The following ZFP69B variants were observed in gnomAD, a reference collection of about 807,000 sequenced individuals.
ZFP69B encodes the protein zinc finger protein 69 homolog B.
ZFP69B carries 20 observed loss-of-function variants against 19.7 expected under a neutral mutation model. That is an observed-to-expected ratio of 1.02 (90% CI 0.71 to 1.48). The LOEUF is 1.48. ZFP69B is among the 40% of genes most tolerant of loss of function. The pLI is 0.00. For synonymous variants in ZFP69B, 220 were observed against 222.7 expected (o/e 0.99, Z 0.11); for missense variants, 583 against 632.6 (o/e 0.92, Z 0.84).
At chr1:40,453,553 G>T (rs974935879) in intron 1 of ZFP69B, among the ~76,000 whole-genome samples, 1 of 152,160 alleles carries the variant, frequency 6.6e-6, no homozygotes, top group African/African-American at 2.4e-5. Flanking sequence ...GAAGGGTATC[G>T]CAGTTTTTCA....
In ZFP69B at chr1:40,456,927, A is replaced by T. The variant is rs17531028; in HGVS notation, c.214-18A>T. 0.025 allele frequency: 39,509 copies of T among 1,606,648 alleles called. 513 individuals are homozygous for T. The highest frequency in any genetic ancestry group is 0.045 in the African/African-American group (3,344 of 74,842). ...CTTCCCAAAGTCTGGCTGAAAAGGA[A>T]CGTATTTGATGTTCTAGGAACTGTT... On this transcript the variant is annotated intron_variant, in intron 2 of 4. Coordinates refer to ENST00000361584, the MANE Select transcript of ZFP69B (RefSeq NM_023070.3).
chr1:40,454,200 C>G lies in ZFP69B; in HGVS notation c.128-3C>G. On this transcript the variant is annotated splice_polypyrimidine_tract_variant and splice_region_variant and intron_variant, in intron 1 of 4. Coordinates refer to ENST00000361584, the MANE Select transcript of ZFP69B (RefSeq NM_023070.3). ...AAACCTCATGGCTCTTTTCCTTCCC[C>G]AGCTCTGCTGTCTCAGGATGCTGAT... 6.3e-7 allele frequency: 1 copy of G among 1,592,834 alleles called. No individual in the cohort carries two copies.
At position 40,462,669 on chromosome 1, in the gene ZFP69B, G is replaced by C; in HGVS notation, c.685G>C (p.Glu229Gln). 1 of 1,614,086 alleles carries C rather than the reference G, an allele frequency of 6.2e-7. No individual in the cohort carries two copies. Among genetic ancestry groups the C allele is most frequent in the South Asian group, 1.1e-5 (1 of 91,060 alleles). Residue 229 changes from glutamate (E) to glutamine (Q), a missense_variant, in exon 5 of 5, where the codon GAG becomes CAG. By Grantham distance (29) the Glu-to-Gln change is conservative. Coordinates refer to ENST00000361584, the MANE Select transcript of ZFP69B (RefSeq NM_023070.3). ...GAGAGGCCAAGAGTCTAATAGATTT[G>C]AGAAAAGAATTAATGTGAAGTCAGA... The part of the protein sequence containing the change: ...QERGQESNRF[E>Q]KRINVKSEVM...
chr1:40,463,139 T>G lies in ZFP69B; in HGVS notation c.1155T>G (p.His385Gln). 6.2e-7 allele frequency: 1 copy of G among 1,614,190 alleles called. No individual in the cohort carries two copies. The highest frequency in any genetic ancestry group is 8.5e-7 in the Non-Finnish European group (1 of 1,180,020). Reference protein sequence around the residue: ...SIGLIQHLRTHVREKPFTCKD... With the variant: ...SIGLIQHLRTQVREKPFTCKD... ...GACTGATCCAGCATTTGAGAACTCA[T>G]GTTAGAGAGAAACCTTTTACATGCA... is the stretch of plus-strand genomic sequence containing the variant. The change falls in exon 5 of 5, where the codon CAT becomes CAG. Residue 385 changes from histidine (H) to glutamine (Q), a missense_variant. Transcript: ENST00000361584.
intron 1 of ZFP69B, among the ~76,000 whole-genome samples, chr1:40,451,685 A>T (rs1220172837): frequency 6.6e-6 from 1 of 150,472 alleles, no homozygotes; most frequent in Non-Finnish European, 1.5e-5. Flanking sequence ...CAAACATTGG[A>T]GGTAATTAAT....
In ZFP69B at chr1:40,457,071, G is replaced by A; in HGVS notation, c.340G>A (p.Gly114Arg). The A allele has an allele frequency of 6.3e-7, 1 of 1,596,350 alleles. No homozygotes were observed. Among genetic ancestry groups the A allele is most frequent in the Non-Finnish European group, 8.5e-7 (1 of 1,173,812 alleles). ...LENYGNLVSV[G>R]CQLSKPGVIS... The stretch of plus-strand genomic sequence containing the variant: ...GAACTATGGGAACCTGGTCTCAGTG[G>A]GTAAGGATGGGCTCCTCTTGAAAAT... Residue 114 changes from glycine to arginine, a missense_variant and splice_region_variant, in exon 3 of 5, where the codon GGA becomes AGA. Coordinates refer to ENST00000361584, the MANE Select transcript of ZFP69B (RefSeq NM_023070.3).
At position 40,450,610 on chromosome 1, in the gene ZFP69B, A is replaced by C. The variant is rs1645176045; in HGVS notation, c.-352A>C. ...ATATGTTCTAGCGTTCTGCCCTATG[A>C]CTGAGCCTCCTTAGTCCTTTGCTGA... On this transcript the variant is annotated 5_prime_UTR_variant, in exon 1 of 5. Coordinates refer to ENST00000361584, the MANE Select transcript of ZFP69B (RefSeq NM_023070.3). The C allele has an allele frequency of 6.1e-6, 1 of 163,226 alleles. No homozygotes were observed. The highest frequency in any genetic ancestry group is 6.4e-5 in the Admixed American group (1 of 15,698). 10.1% of individuals were successfully genotyped at this position (163,226 alleles called of 1,614,324 possible). A position where few individuals can be genotyped will look rare whatever the true frequency, so the allele number is the denominator to read the frequency against.
intron 1 of ZFP69B, 65 bp downstream of exon 1, chr1:40,451,153 T>G (rs1191960073): frequency 1.4e-6 from 2 of 1,424,378 alleles, no homozygotes; most frequent in African/African-American, 1.5e-5. Context: ...AAGGAATGAG[T>G]CACTTGAGTG....
intron 1 of ZFP69B, among the ~76,000 whole-genome samples, chr1:40,452,555 AG>A (rs1350594739): frequency 1.3e-5 from 2 of 152,234 alleles, no homozygotes; most frequent in African/African-American, 4.8e-5. Flanking sequence ...TCATGAAGAA[AG>A]GGGAAGTACT....
chr1:40,454,388 C>CTT, intron 2 of ZFP69B, 100 bp downstream of exon 2: 3 of 778,486 alleles, frequency 3.9e-6, no homozygotes, highest in Non-Finnish European at 3.7e-6. Context: ...ATTGGCTTTT[C>CTT]TTTTTTTTTC....
At position 40,457,005 on chromosome 1, in the gene ZFP69B, G is replaced by C; in HGVS notation, c.274G>C (p.Ala92Pro). 6.2e-7 allele frequency: 1 copy of C among 1,613,936 alleles called. No homozygotes were observed. The highest frequency in any genetic ancestry group is 8.5e-7 in the Non-Finnish European group (1 of 1,179,912). The change falls in exon 3 of 5, where the codon GCC (alanine) becomes CCC (proline). Residue 92 changes from alanine (A) to proline (P), a missense_variant. Physicochemically the swap from Ala to Pro is conservative, Grantham distance 27. Coordinates refer to ENST00000361584, the MANE Select transcript of ZFP69B (RefSeq NM_023070.3). ...DFTQEEWGQL[A>P]PAHRNLYREV... ...CACTCAGGAGGAGTGGGGGCAGCTG[G>C]CCCCTGCTCACCGGAATCTGTACCG...
chr1:40,454,106 T>G, intron 1 of ZFP69B, 97 bp from the exon 2 acceptor site: 2 of 876,200 alleles, frequency 2.3e-6, no homozygotes, highest in Non-Finnish European at 1.6e-6. Flanking sequence ...TTTGTGAACG[T>G]TTTTGGGGAG....
Position 40,463,535 on chromosome 1 carries a change from C to T in ZFP69B, c.1551C>T (p.Ser517=), listed in dbSNP as rs776401981. The change falls in exon 5 of 5, where the codon TCC becomes TCT. Residue 517 remains serine (S), a synonymous_variant. Coordinates refer to ENST00000361584, the MANE Select transcript of ZFP69B (RefSeq NM_023070.3). The part of the protein sequence containing the change: ...ECGKAFSCSS[S]LIRHCKTHLR... The stretch of plus-strand genomic sequence containing the variant: ...GAAAAGCCTTCAGCTGTAGTTCATC[C>T]CTTATTAGACACTGCAAAACACATT... The T allele has an allele frequency of 1.9e-6, 3 of 1,613,648 alleles. No individual in the cohort carries two copies. The highest frequency in any genetic ancestry group is 1.3e-5 in the African/African-American group (1 of 74,872).
rs920897956 is a variant in ZFP69B at position 40,463,638 on chromosome 1, C to T, written c.*49C>T. 2 of 1,474,832 alleles carry T rather than the reference C, an allele frequency of 1.4e-6. No homozygotes were observed. The highest frequency in any genetic ancestry group is 4.5e-5 in the Admixed American group (2 of 44,860). The allele number at this position is 1,474,832 out of a possible 1,614,324, so 91.4% of individuals were successfully genotyped here. A position where few individuals can be genotyped will look rare whatever the true frequency, so the allele number is the denominator to read the frequency against. On this transcript the variant is annotated 3_prime_UTR_variant, in exon 5 of 5. Transcript: ENST00000361584. The stretch of plus-strand genomic sequence containing the variant: ...TATGTTGGAGCACAAGATTCTAAAT[C>T]AGTGGTTCCCTGATCCCTCAAAAAT...
intron 4 of ZFP69B, among the ~76,000 whole-genome samples, chr1:40,458,170 T>C (rs1252439044): frequency 1.3e-5 from 2 of 152,236 alleles, no homozygotes; most frequent in Non-Finnish European, 2.9e-5. Flanking sequence ...CTTGGTGGAC[T>C]CAATATCTTA....
At position 40,450,955 on chromosome 1, in the gene ZFP69B, C is replaced by G; in HGVS notation, c.-7C>G. 6.5e-7 allele frequency: 1 copy of G among 1,542,364 alleles called. No homozygotes were observed. Among genetic ancestry groups the G allele is most frequent in the African/African-American group, 1.4e-5 (1 of 72,370 alleles). On this transcript the variant is annotated 5_prime_UTR_variant, in exon 1 of 5. Transcript: ENST00000361584. ...GAGGGTCCTCAGAAAGGAGTGCGGA[C>G]GCCGTCATGCTGCAGCAGCTCCTGA...
chr1:40,450,893 C>G lies in ZFP69B; in HGVS notation c.-69C>G, dbSNP rs954738214. The stretch of plus-strand genomic sequence containing the variant: ...CTCCTGTCAGAGCTTCCAGCAATTT[C>G]CTCATCAGAGGTGGACAAGCCCTAT... On this transcript the variant is annotated 5_prime_UTR_variant, in exon 1 of 5. Coordinates refer to ENST00000361584, the MANE Select transcript of ZFP69B (RefSeq NM_023070.3). The G allele has an allele frequency of 1.4e-6, 2 of 1,407,832 alleles. No individual in the cohort carries two copies. The highest frequency in any genetic ancestry group is 5.9e-5 in the Admixed American group (2 of 33,854). The allele number at this position is 1,407,832 out of a possible 1,614,324, so 87.2% of individuals were successfully genotyped here.
Position 40,463,127 on chromosome 1 carries a change from T to C in ZFP69B, c.1143T>C (p.His381=). The C allele has an allele frequency of 6.2e-7, 1 of 1,614,162 alleles. No individual in the cohort carries two copies. The highest frequency in any genetic ancestry group is 2.2e-5 in the East Asian group (1 of 44,864). The part of the protein sequence containing the change: ...AFSQSIGLIQ[H]LRTHVREKPF... ...GCCAGAGCATTGGACTGATCCAGCATTTGAGAACTCATGTTAGAGAGAAAC... is the reference window on the plus strand; with the variant it reads ...GCCAGAGCATTGGACTGATCCAGCACTTGAGAACTCATGTTAGAGAGAAAC... Residue 381 remains histidine (H), a synonymous_variant, in exon 5 of 5, where the codon CAT becomes CAC. Transcript: ENST00000361584.
At chr1:40,458,414 T>G (rs1213436181) in intron 4 of ZFP69B, among the ~76,000 whole-genome samples, 1 of 152,088 alleles carries the variant, frequency 6.6e-6, no homozygotes, top group Non-Finnish European at 1.5e-5. Context: ...ACTACTGTAA[T>G]AAATCGACTC....
Sources: gnomAD v4.1 joint callset for allele counts (sites outside exome capture counted in the v4.1 genomes callset) on GRCh38, gnomAD v4.1.1 for gene constraint, MANE v1.5 for transcripts, NCBI Gene and HGNC (gene_info 2026-07-23, HGNC 2026-07-21) for gene names.